Variants in LOXL2 observed in about 807,000 individuals in gnomAD.
The protein encoded by LOXL2 is lysyl oxidase homolog 2.
Under a neutral mutation model 93.0 loss-of-function variants are expected in LOXL2, and 70 were observed. The observed-to-expected ratio is 0.75, with a 90% CI of 0.62 to 0.92. LOXL2 has a LOEUF of 0.92. Among genes scored for constraint, LOXL2 ranks in the 40% least tolerant of loss-of-function variants. The pLI, the probability that LOXL2 is intolerant of heterozygous loss-of-function variation, is 0.00. For synonymous variants in LOXL2, 438 were observed against 413.2 expected, an observed-to-expected ratio of 1.06 and a Z score of -0.73; for missense variants, 973 against 1,054.9, an observed-to-expected ratio of 0.92 and a Z score of 1.08.
rs1804443472 is a variant in LOXL2 at position 23,368,248 on chromosome 8, TCGG to T, written c.101_103del (p.Pro34_Glu35delinsGln). 5 of 1,613,886 alleles carry T rather than the reference TCGG, an allele frequency of 3.1e-6. No individual in the cohort carries two copies. The highest frequency in any genetic ancestry group is 3.4e-6 in the Non-Finnish European group (4 of 1,179,996). ...CTCAGGAGCCGGTTGCTGGAAGTAC[TCGG>T]GGTAATGGGGCCAGCTGTCATACTG... On this transcript the variant is annotated inframe_deletion, in exon 2 of 14. Transcript: ENST00000389131.
At chr8:23,397,249 G>T (rs1258384677) in intron 1 of LOXL2, among the ~76,000 whole-genome samples, 1 of 152,172 alleles carries the variant, frequency 6.6e-6, no homozygotes. Context: ...TTTCTGTTTT[G>T]GAAGATGCAA....
At chr8:23,311,378 T>C (rs545897019) in intron 9 of LOXL2, among the ~76,000 whole-genome samples, 50 of 152,254 alleles carry the variant, frequency 3.3e-4, no homozygotes, top group African/African-American at 1.2e-3. Flanking sequence ...CTGACAAGTA[T>C]TTCTTCTTGG....
Position 23,360,108 on chromosome 8 carries a change from C to T in LOXL2, c.513G>A (p.Ser171=), listed in dbSNP as rs758613907. Reference sequence around the variant, plus strand: ...GACTTGCCTCTATCTGGTTGATCAACGAATTGTCAAATTTGAACCCAGGAA... The same window carrying T: ...GACTTGCCTCTATCTGGTTGATCAATGAATTGTCAAATTTGAACCCAGGAA... ...KRIPGFKFDN[S]LINQIENLNI... is the part of the protein sequence containing the mutation. The change falls in exon 3 of 14, where the codon TCG becomes TCA. Residue 171 remains serine, a synonymous_variant. Transcript: ENST00000389131. 2.2e-5 allele frequency: 36 copies of T among 1,604,432 alleles called. No individual in the cohort carries two copies. The Middle Eastern group carries it at 5.0e-4, about 22-fold the overall frequency.
intron 1 of LOXL2, among the ~76,000 whole-genome samples, chr8:23,379,050 C>G (rs931272701): frequency 2.0e-5 from 3 of 152,064 alleles, no homozygotes; most frequent in African/African-American, 7.3e-5. Context: ...CTGTTTTTTC[C>G]CCATCTTTGT....
chr8:23,377,688 A>G lies in LOXL2; in HGVS notation c.-83-9254T>C, dbSNP rs1348045573. Among the ~76,000 whole-genome samples the G allele has an allele frequency of 2.0e-5, 3 of 152,278 alleles. No individual in the cohort carries two copies. In the East Asian group the frequency reaches 5.8e-4, roughly 29 times the overall value. ...TTGTTGAATTGATCCCTTTACCATT[A>G]TGTAATGGCCTTCTTTATCTCTTTT... On this transcript the variant is annotated intron_variant, in intron 1 of 13. Coordinates refer to ENST00000389131, the MANE Select transcript of LOXL2 (RefSeq NM_002318.3).
At chr8:23,332,193 C>T (rs1803693727) in intron 5 of LOXL2, among the ~76,000 whole-genome samples, 1 of 148,392 alleles carries the variant, frequency 6.7e-6, no homozygotes, top group Non-Finnish European at 1.5e-5. Flanking sequence ...CACACACACA[C>T]CCCACACACA....
At chr8:23,358,725 T>C (rs567459017) in intron 3 of LOXL2, among the ~76,000 whole-genome samples, 1 of 152,326 alleles carries the variant, frequency 6.6e-6, no homozygotes, top group Non-Finnish European at 1.5e-5. Context: ...GATTTTCAAA[T>C]GCTGAAATTA....
At chr8:23,403,073 C>G (rs1800172651) in intron 1 of LOXL2, among the ~76,000 whole-genome samples, 1 of 152,140 alleles carries the variant, frequency 6.6e-6, no homozygotes, top group Non-Finnish European at 1.5e-5. Flanking sequence ...AGCGCTGATT[C>G]CTGGGACACC....
At chr8:23,299,617 A>G (rs1465170229) in intron 12 of LOXL2, among the ~76,000 whole-genome samples, 1 of 152,210 alleles carries the variant, frequency 6.6e-6, no homozygotes, top group Non-Finnish European at 1.5e-5. Context: ...GGGGAGGTTT[A>G]CGGTGAGGAC....
chr8:23,348,654 G>A (rs1452928119), intron 3 of LOXL2, among the ~76,000 whole-genome samples: 1 of 152,028 alleles, frequency 6.6e-6, no homozygotes. Context: ...GAGGCGGGTG[G>A]ATCACGAGGC....
In LOXL2 at chr8:23,309,819, C is replaced by T; in HGVS notation, c.1729G>A (p.Glu577Lys). Residue 577 changes from glutamate (E) to lysine (K), a missense_variant, in exon 10 of 14, where the codon GAG (glutamate) becomes AAG (lysine). Glu to Lys is a moderately conservative substitution (Grantham distance 56). Transcript: ENST00000389131. ...GCGGCTGAGGCCGAGAGGCAGTTCT[C>T]CTCCATGGCACACTGCAGCATGAAC... ...PMFMLQCAME[E>K]NCLSASAAQT... 1.9e-6 allele frequency: 3 copies of T among 1,602,728 alleles called. No individual in the cohort carries two copies. The highest frequency in any genetic ancestry group is 2.6e-6 in the Non-Finnish European group (3 of 1,174,828).
chr8:23,297,722 C>CGCCGTGTCA lies in LOXL2; in HGVS notation c.*320_*321insTGACACGGC. On this transcript the variant is annotated 3_prime_UTR_variant, in exon 14 of 14. Coordinates refer to ENST00000389131, the MANE Select transcript of LOXL2 (RefSeq NM_002318.3). ...ACTGTGTCTGTGGTGAGCTCGGTGG[C>CGCCGTGTCA]TTGAATGGGACAAGCTGATGACAAC... The CGCCGTGTCA allele has an allele frequency of 2.4e-5, 5 of 211,646 alleles. No homozygotes were observed. Among genetic ancestry groups the CGCCGTGTCA allele is most frequent in the Admixed American group, 6.0e-5 (1 of 16,646 alleles). The allele number at this position is 211,646 out of a possible 1,614,324, so 13.1% of individuals were successfully genotyped here. A position where few individuals can be genotyped will look rare whatever the true frequency, so the allele number is the denominator to read the frequency against.
intron 2 of LOXL2, chr8:23,363,311 G>T (rs1394903272): frequency 6.6e-6 from 1 of 152,218 alleles, no homozygotes; most frequent in Non-Finnish European, 1.5e-5. Context: ...CACGGCTGCT[G>T]GTCAGGGCTC....
Position 23,328,369 on chromosome 8 carries a change from C to T in LOXL2, c.1150+13G>A, listed in dbSNP as rs1401878268. 1 of 1,613,454 alleles carries T rather than the reference C, an allele frequency of 6.2e-7. No homozygotes were observed. Among genetic ancestry groups the T allele is most frequent in the African/African-American group, 1.3e-5 (1 of 74,916 alleles). ...CAGGAAGAGAGGCCCCCTCTAGCCT[C>T]CCCATTCCTTACCTTGCCCCAGTCG... On this transcript the variant is annotated intron_variant, in intron 6 of 13. Transcript: ENST00000389131.
chr8:23,358,011 C>T (rs547043453), intron 3 of LOXL2, among the ~76,000 whole-genome samples: 18 of 152,308 alleles, frequency 1.2e-4, no homozygotes, highest in African/African-American at 4.1e-4. Flanking sequence ...AGCCCCTGCC[C>T]TCTGGGAGCT....
At chr8:23,347,415 T>C (rs1804011026) in intron 3 of LOXL2, among the ~76,000 whole-genome samples, 2 of 151,958 alleles carry the variant, frequency 1.3e-5, no homozygotes, top group Non-Finnish European at 2.9e-5. Flanking sequence ...CCCAGCACTT[T>C]GGGAGGCCAA....
intron 1 of LOXL2, among the ~76,000 whole-genome samples, chr8:23,380,479 G>A (rs1446950041): frequency 6.6e-6 from 1 of 151,372 alleles, no homozygotes; most frequent in Non-Finnish European, 1.5e-5. Flanking sequence ...TATCCAATCT[G>A]TGGGAATGCT....
intron 1 of LOXL2, among the ~76,000 whole-genome samples, chr8:23,386,525 T>C (rs536933739): frequency 1.3e-5 from 2 of 152,346 alleles, no homozygotes; most frequent in South Asian, 2.1e-4. Context: ...GGCAGACACA[T>C]TTCTCTTCTC....
At chr8:23,361,960 T>C (rs370192130) in intron 2 of LOXL2, among the ~76,000 whole-genome samples, 24 of 152,342 alleles carry the variant, frequency 1.6e-4, no homozygotes, top group South Asian at 6.2e-4. Context: ...GCAGCTACTA[T>C]AGAAAACAGT....
Sources: allele counts gnomAD v4.1 joint callset (sites outside exome capture counted in the v4.1 genomes callset), GRCh38; gene constraint gnomAD v4.1.1; transcripts MANE v1.5; gene names NCBI Gene and HGNC (gene_info 2026-07-23, HGNC 2026-07-21).